RHBDF1: variants seen among roughly 807,000 people sequenced by gnomAD.
RHBDF1 encodes inactive rhomboid protein 1.
A neutral mutation model predicts 98.6 loss-of-function variants in RHBDF1; 80 were observed. The ratio of observed to expected loss-of-function variants is 0.81; its 90% CI spans 0.68 to 0.98. The LOEUF is 0.98. RHBDF1 is among the 50% of genes least tolerant of loss of function. The pLI, the probability that RHBDF1 is intolerant of heterozygous loss-of-function variation, is 0.00. For synonymous variants in RHBDF1, 512 were observed against 486.8 expected (o/e 1.05, Z -0.68); for missense variants, 1,116 against 1,198.3 (o/e 0.93, Z 1.01).
rs368598037 is a variant in RHBDF1 at position 60,286 on chromosome 16, G to A, written c.1659-7C>T. The A allele has an allele frequency of 9.0e-5, 145 of 1,614,050 alleles. No homozygotes were observed. In the African/African-American group the frequency reaches 1.2e-3, roughly 13 times the overall value. ...GGAGGGCTCATCACACACCCTGCAT[G>A]AGCCAAGTATGTGGTCAGACCGGCT... On this transcript the variant is annotated splice_polypyrimidine_tract_variant and splice_region_variant and intron_variant, in intron 12 of 17. Transcript: ENST00000262316.
rs1897607931 is a variant in RHBDF1 at position 61,297 on chromosome 16, A to C, written c.1396-16T>G. ...TGAGGGCCTCCTGCGGGCGAGGGAG[A>C]CGAGCGGCCGCAGTCCGGGGCCTCC... On this transcript the variant is annotated splice_polypyrimidine_tract_variant and intron_variant, in intron 10 of 17. Coordinates refer to ENST00000262316, the MANE Select transcript of RHBDF1 (RefSeq NM_022450.5). 6.5e-7 allele frequency: 1 copy of C among 1,541,902 alleles called. No homozygotes were observed. The highest frequency in any genetic ancestry group is 8.7e-7 in the Non-Finnish European group (1 of 1,143,300).
upstream of RHBDF1, among the ~76,000 whole-genome samples, chr16:75,469 G>C (rs1006608197): frequency 1.3e-5 from 2 of 152,238 alleles, no homozygotes; most frequent in African/African-American, 4.8e-5. Flanking sequence ...CGCCCGGGGA[G>C]CAGGGCTCCA....
chr16:69,907 T>C lies in RHBDF1; in HGVS notation c.-25+2606A>G, dbSNP rs751584135. Among the ~76,000 whole-genome samples, 18 of 151,076 alleles carry C rather than the reference T, an allele frequency of 1.2e-4. 1 individual carries two copies. Among genetic ancestry groups the C allele is most frequent in the Non-Finnish European group, 2.1e-4 (14 of 67,878 alleles). Reference sequence around the variant, plus strand: ...GGAGACAGAACAAGAGGTTCCCTGCTACAGGCCATCTGTGAGGGAAGCCGC... The same window carrying C: ...GGAGACAGAACAAGAGGTTCCCTGCCACAGGCCATCTGTGAGGGAAGCCGC... On this transcript the variant is annotated intron_variant, in intron 1 of 17. Coordinates refer to ENST00000262316, the MANE Select transcript of RHBDF1 (RefSeq NM_022450.5).
chr16:70,604 C>G (rs1225212437), intron 1 of RHBDF1, among the ~76,000 whole-genome samples: 3 of 152,242 alleles, frequency 2.0e-5, no homozygotes, highest in South Asian at 4.1e-4. Flanking sequence ...TCACACTGGT[C>G]TGTCTAACCC....
chr16:72,114 AGC>A (rs1448963918), intron 1 of RHBDF1, among the ~76,000 whole-genome samples: 1 of 152,132 alleles, frequency 6.6e-6, no homozygotes, highest in Non-Finnish European at 1.5e-5. Context: ...AGGAAAATGC[AGC>A]GGGGGGAGTT....
chr16:61,729 C>G (rs779588125), intron 8 of RHBDF1, 33 bp from the exon 9 acceptor site: 2 of 1,612,408 alleles, frequency 1.2e-6, no homozygotes, highest in South Asian at 2.2e-5. Context: ...GGGCCTCATC[C>G]CCGACCCGGA....
Position 62,761 on chromosome 16 carries a change from C to T in RHBDF1, c.795+14G>A, listed in dbSNP as rs370359236. On this transcript the variant is annotated intron_variant, in intron 6 of 17. Transcript: ENST00000262316. ...GGGAACGTGGGGTGGGGGGACACCCCGGGCACTTCTTACCCGGGCAAAGAA... is the reference window on the plus strand; with the variant it reads ...GGGAACGTGGGGTGGGGGGACACCCTGGGCACTTCTTACCCGGGCAAAGAA... 363 of 1,613,930 alleles carry T rather than the reference C, an allele frequency of 2.2e-4. No individual in the cohort carries two copies. The highest frequency in any genetic ancestry group is 2.9e-4 in the Non-Finnish European group (345 of 1,180,016).
rs747657518 is a variant in RHBDF1 at position 61,795 on chromosome 16, T to C, written c.1208+3A>G. ...CAACCCAGGCCTTGCCTGCCACGCC[T>C]ACCTGTGGTCGTCCATGTCCTCGAT... On this transcript the variant is annotated splice_donor_region_variant and intron_variant, in intron 8 of 17. Transcript: ENST00000262316. 3.7e-6 allele frequency: 6 copies of C among 1,606,210 alleles called. No individual in the cohort carries two copies. The highest frequency in any genetic ancestry group is 4.5e-5 in the East Asian group (2 of 44,368).
chr16:61,624 G>A lies in RHBDF1; in HGVS notation c.1281C>T (p.Ile427=). The stretch of plus-strand genomic sequence containing the variant: ...CATGCTGCGAGAAGCCCACGGGCGC[G>A]ATGCCATAGATGCACACGGCTAGGA... ...VTILAVCIYG[I]APVGFSQHET... Residue 427 remains isoleucine (I), a synonymous_variant, in exon 9 of 18, where the codon ATC becomes ATT. Transcript: ENST00000262316. 1.2e-6 allele frequency: 2 copies of A among 1,613,474 alleles called. No homozygotes were observed. The highest frequency in any genetic ancestry group is 2.2e-5 in the East Asian group (1 of 44,866).
At chr16:61,011 C>T (rs1279595071) in intron 11 of RHBDF1, 109 bp downstream of exon 11, 6 of 1,248,472 alleles carry the variant, frequency 4.8e-6, no homozygotes, top group African/African-American at 4.5e-5. Flanking sequence ...GTAAGGACGG[C>T]GGGATGTGCC....
chr16:61,858 G>T lies in RHBDF1; in HGVS notation c.1148C>A (p.Thr383Asn). The change falls in exon 8 of 18, where the codon ACC (threonine) becomes AAC (asparagine). Residue 383 changes from threonine to asparagine, a missense_variant. Transcript: ENST00000262316. ...LGMVGRLTNR[T>N]YRKRIDSFVK... ...GAAGCTGTCGATGCGCTTGCGGTAGGTGCGGTTGGTGAGCCGTCCCACCAT... is the reference window on the plus strand; with the variant it reads ...GAAGCTGTCGATGCGCTTGCGGTAGTTGCGGTTGGTGAGCCGTCCCACCAT... 1 of 1,611,126 alleles carries T rather than the reference G, an allele frequency of 6.2e-7. No homozygotes were observed. The highest frequency in any genetic ancestry group is 8.5e-7 in the Non-Finnish European group (1 of 1,179,812).
intron 1 of RHBDF1, among the ~76,000 whole-genome samples, chr16:65,902 C>A (rs763365406): frequency 6.6e-6 from 1 of 152,252 alleles, no homozygotes; most frequent in African/African-American, 2.4e-5. Context: ...GCCGGGGCTG[C>A]GGGGCATTGC....
intron 4 of RHBDF1, 35 bp downstream of exon 4, chr16:63,552 A>C (rs367726856): frequency 1.0e-5 from 15 of 1,486,102 alleles, no homozygotes; most frequent in African/African-American, 1.4e-5. Context: ...GAGCGGAAGG[A>C]GGGGCCTGCA....
chr16:59,370 G>C, intron 15 of RHBDF1, 21 bp from the exon 16 acceptor site: 1 of 1,612,110 alleles, frequency 6.2e-7, no homozygotes, highest in Non-Finnish European at 8.5e-7. Context: ...CAGCATATCA[G>C]CATCACAGTA....
At position 64,744 on chromosome 16, in the gene RHBDF1, C is replaced by T. The variant is rs763943277; in HGVS notation, c.203G>A (p.Arg68Gln). 9.3e-6 allele frequency: 15 copies of T among 1,613,722 alleles called. No homozygotes were observed. Among genetic ancestry groups the T allele is most frequent in the African/African-American group, 5.3e-5 (4 of 74,886 alleles). The change falls in exon 3 of 18, where the codon CGG (arginine) becomes CAG (glutamine). Residue 68 changes from arginine (R) to glutamine (Q), a missense_variant. Transcript: ENST00000262316. ...GGACGTCTGGCGTTGCAGCACCGGC[C>T]GCCGGAGCTCATGGTGGGGTGAAGA... ...HISSPHHELRRPVLQRQTSIT... is the reference protein window; with the variant it reads ...HISSPHHELRQPVLQRQTSIT...
At chr16:62,370 T>C (rs1007487690) in intron 7 of RHBDF1, among the ~76,000 whole-genome samples, 168 bp downstream of exon 7, 1 of 152,178 alleles carries the variant, frequency 6.6e-6, no homozygotes, top group African/African-American at 2.4e-5. Flanking sequence ...ACTGGGGCCA[T>C]GCCCAGCTCT....
At position 59,776 on chromosome 16, in the gene RHBDF1, G is replaced by A. The variant is rs149163157; in HGVS notation, c.1773C>T (p.Asp591=). 2.9e-3 allele frequency: 4,639 copies of A among 1,614,172 alleles called. 17 individuals are homozygous for A. The highest frequency in any genetic ancestry group is 2.8e-3 in the Non-Finnish European group (3,268 of 1,180,028). The part of the protein sequence containing the change: ...AGNHTNHPHM[D]CVITGRPCCI... ...AGCAGGGCCGTCCTGTGATGACACA[G>A]TCCATGTGGGGATGGTTGGTGTGGT... Residue 591 remains aspartate (D), a synonymous_variant, in exon 14 of 18, where the codon GAC becomes GAT. Transcript: ENST00000262316.
Position 59,843 on chromosome 16 carries a change from G to T in RHBDF1, c.1723-17C>A. Reference sequence around the variant, plus strand: ...GGTGCAGATCTGGGTCACAAATGAGGACGAGCTGAGTCAGGGCCTCCCCCA... The same window carrying T: ...GGTGCAGATCTGGGTCACAAATGAGTACGAGCTGAGTCAGGGCCTCCCCCA... On this transcript the variant is annotated splice_polypyrimidine_tract_variant and intron_variant, in intron 13 of 17. Coordinates refer to ENST00000262316, the MANE Select transcript of RHBDF1 (RefSeq NM_022450.5). 1 of 1,614,006 alleles carries T rather than the reference G, an allele frequency of 6.2e-7. No individual in the cohort carries two copies. The highest frequency in any genetic ancestry group is 1.3e-5 in the African/African-American group (1 of 75,016).
At chr16:75,221 G>A (rs1317499203), upstream of RHBDF1, among the ~76,000 whole-genome samples, 2 of 152,196 alleles carry the variant, frequency 1.3e-5, no homozygotes, top group Admixed American at 6.5e-5. Context: ...TCCCGGGGCT[G>A]GTGGGCAGGC....
Sources: gnomAD v4.1 joint callset for allele counts (sites outside exome capture counted in the v4.1 genomes callset) on GRCh38, gnomAD v4.1.1 for gene constraint, MANE v1.5 for transcripts, NCBI Gene and HGNC (gene_info 2026-07-23, HGNC 2026-07-21) for gene names.